The following FOXP1 variants were observed in gnomAD, a reference collection of about 807,000 sequenced individuals.
FOXP1 encodes the protein forkhead box protein P1.
Under a neutral mutation model 98.2 loss-of-function variants are expected in FOXP1, and 15 were observed. The observed-to-expected ratio is 0.15, with a 90% CI of 0.10 to 0.24. FOXP1 has a LOEUF of 0.24. Among genes scored for constraint, FOXP1 ranks in the 10% least tolerant of loss-of-function variants. The probability of loss-of-function intolerance (pLI) is 1.00; values close to 1 mark genes in which losing one functional copy is unlikely to be tolerated. For missense variants in FOXP1, 633 were observed against 848.5 expected (o/e 0.75, Z 3.15); for synonymous variants, 371 against 314.5 (o/e 1.18, Z -1.90).
chr3:71,396,382 G>A (rs2081372421), intron 3 of FOXP1, among the ~76,000 whole-genome samples: 1 of 152,144 alleles, frequency 6.6e-6, no homozygotes, highest in Admixed American at 6.5e-5. Flanking sequence ...TCAAGTCTAG[G>A]AAGCAGACAC....
At chr3:71,291,694 A>C (rs1576800993) in intron 5 of FOXP1, among the ~76,000 whole-genome samples, 1 of 147,934 alleles carries the variant, frequency 6.8e-6, no homozygotes, top group East Asian at 2.0e-4. Context: ...ATTTTACTGT[A>C]TTGTATGCTT....
intron 14 of FOXP1, 96 bp downstream of exon 14, chr3:70,987,898 A>G (rs2040005611): frequency 3.6e-6 from 4 of 1,113,524 alleles, no homozygotes; most frequent in Non-Finnish European, 5.5e-6. Context: ...GCTCCACCAA[A>G]GTAGGCTGGT....
intron 5 of FOXP1, among the ~76,000 whole-genome samples, chr3:71,223,089 TA>T (rs1172655135): frequency 6.6e-6 from 1 of 152,040 alleles, no homozygotes; most frequent in African/African-American, 2.4e-5. Flanking sequence ...CAAACACCAT[TA>T]AAAACAAAAA....
intron 3 of FOXP1, among the ~76,000 whole-genome samples, chr3:71,419,686 G>A (rs2083480200): frequency 6.6e-6 from 1 of 152,156 alleles, no homozygotes; most frequent in Non-Finnish European, 1.5e-5. Context: ...TTCCCAAAGT[G>A]TGCTGCAAGT....
chr3:71,159,064 C>G (rs1281251200), intron 6 of FOXP1, among the ~76,000 whole-genome samples: 1 of 129,330 alleles, frequency 7.7e-6, no homozygotes, highest in South Asian at 2.5e-4. Flanking sequence ...ATGATTGCAA[C>G]ACTGCACTTC....
intron 2 of FOXP1, among the ~76,000 whole-genome samples, chr3:71,501,116 C>T (rs142340528): frequency 3.6e-4 from 55 of 152,020 alleles, no homozygotes; most frequent in African/African-American, 1.2e-3. Flanking sequence ...TGCTTGAATC[C>T]GGGAGGCAGA....
intron 5 of FOXP1, among the ~76,000 whole-genome samples, chr3:71,297,610 T>C (rs1280847635): frequency 8.0e-6 from 1 of 124,556 alleles, no homozygotes; most frequent in Non-Finnish European, 1.6e-5. Context: ...TTTTCAGCTT[T>C]GTTTAATTTT....
intron 6 of FOXP1, among the ~76,000 whole-genome samples, chr3:71,124,571 T>C (rs1365456411): frequency 6.6e-6 from 1 of 151,370 alleles, no homozygotes; most frequent in African/African-American, 2.4e-5. Flanking sequence ...TAATACAGCA[T>C]GATGTATGCA....
At chr3:71,365,726 T>C (rs2078878550) in intron 3 of FOXP1, among the ~76,000 whole-genome samples, 1 of 152,228 alleles carries the variant, frequency 6.6e-6, no homozygotes, top group African/African-American at 2.4e-5. Context: ...GGCTCACGCC[T>C]ATAATCCCAG....
chr3:71,097,506 C>T (rs1356359725), intron 7 of FOXP1, among the ~76,000 whole-genome samples: 2 of 152,126 alleles, frequency 1.3e-5, no homozygotes, highest in Non-Finnish European at 2.9e-5. Flanking sequence ...AACCAAATTC[C>T]TTTTGCAGAT....
rs1469511988 is a variant in FOXP1, at chr3:71,052,389, A to T, written c.510+148T>A. 3 of 691,722 alleles carry T rather than the reference A, an allele frequency of 4.3e-6. No homozygotes were observed. In the African/African-American group the frequency reaches 5.3e-5, roughly 12 times the overall value. The allele number at this position is 691,722 out of a possible 1,614,324, so 42.8% of individuals were successfully genotyped here. A position where few individuals can be genotyped will look rare whatever the true frequency, so the allele number is the denominator to read the frequency against. On this transcript the variant is annotated intron_variant, in intron 9 of 20. Coordinates refer to ENST00000649528, the MANE Select transcript of FOXP1 (RefSeq NM_001349338.3). ...TGGAACCCAGAAAAATCTGAGTGAAAACAGGACAATAATTCTCAGTCTGAA... is the reference window on the plus strand; with the variant it reads ...TGGAACCCAGAAAAATCTGAGTGAATACAGGACAATAATTCTCAGTCTGAA...
At chr3:71,338,573 G>T (rs6771515) in intron 4 of FOXP1, among the ~76,000 whole-genome samples, 69,188 of 151,812 alleles carry the variant, frequency 0.46, 17,154 homozygotes, top group East Asian at 0.73. Flanking sequence ...GACTACAGGG[G>T]CCCGCCACCA....
chr3:71,445,812 C>G (rs938622379), intron 3 of FOXP1, among the ~76,000 whole-genome samples: 4 of 151,830 alleles, frequency 2.6e-5, no homozygotes, highest in African/African-American at 9.7e-5. Context: ...CTCGGCCTCC[C>G]AAGTAGCTGC....
Position 71,068,411 on chromosome 3 carries a change from C to T in FOXP1, c.283-14638G>A, listed in dbSNP as rs186044101. ...GTATTAAAGGAAGAGTCAGGAGGAG[C>T]GTCTCCTCAGGACATTATTCCATAC... On this transcript the variant is annotated intron_variant, in intron 7 of 20. Transcript: ENST00000649528. Among the ~76,000 whole-genome samples, 203 of 152,298 alleles carry T rather than the reference C, an allele frequency of 1.3e-3. 2 individuals carry two copies. Among genetic ancestry groups the T allele is most frequent in the Non-Finnish European group, 1.2e-4 (8 of 68,034 alleles).
chr3:71,139,159 C>A (rs1052567323), intron 6 of FOXP1, among the ~76,000 whole-genome samples: 4 of 152,086 alleles, frequency 2.6e-5, no homozygotes, highest in Admixed American at 1.3e-4. Context: ...GAAATTGGGG[C>A]ATACATAGAG....
chr3:71,335,856 T>C lies in FOXP1; in HGVS notation c.-73+23294A>G, dbSNP rs577752294. Among the ~76,000 whole-genome samples, 653 of 151,728 alleles carry C rather than the reference T, an allele frequency of 4.3e-3. 1 individual carries two copies. The highest frequency in any genetic ancestry group is 7.2e-3 in the Non-Finnish European group (487 of 67,920). ...CCCGTCTCTACAAATAATACAAAAA[T>C]TAGCTGGACTTGTTGGCGTGCACCT... On this transcript the variant is annotated intron_variant, in intron 4 of 20. Transcript: ENST00000649528.
Position 70,976,973 on chromosome 3 carries a change from C to T in FOXP1, c.1498G>A (p.Ala500Thr). The change falls in exon 17 of 21, where the codon GCT (alanine) becomes ACT (threonine). Residue 500 changes from alanine to threonine, a missense_variant. By Grantham distance (58) the Ala-to-Thr change is moderately conservative (BLOSUM62 0). Around this residue, in one of 6 missense-constraint regions of FOXP1, gnomAD observed 141 missense variants for 199.5 expected, o/e 0.71. Transcript: ENST00000649528. Reference protein sequence around the residue: ...EIYNWFTRMFAYFRRNAATWK... With the variant: ...EIYNWFTRMFTYFRRNAATWK... ...GTGGCCGCGTTGCGTCGGAAGTAAG[C>T]AAACATTCGTGTGAACCAGTTATAG... 6.2e-7 allele frequency: 1 copy of T among 1,614,150 alleles called. No homozygotes were observed. The highest frequency in any genetic ancestry group is 8.5e-7 in the Non-Finnish European group (1 of 1,179,988).
At chr3:71,545,815 T>C (rs891630293) in intron 2 of FOXP1, among the ~76,000 whole-genome samples, 1 of 152,240 alleles carries the variant, frequency 6.6e-6, no homozygotes, top group African/African-American at 2.4e-5. Context: ...TTTAAGCTAT[T>C]GCCATGTCCC....
At position 70,955,369 on chromosome 3, in the gene FOXP1, C is replaced by T. The variant is rs1207239127; in HGVS notation, c.*3878G>A. 4.3e-6 allele frequency: 1 copy of T among 232,794 alleles called. No individual in the cohort carries two copies. Among genetic ancestry groups the T allele is most frequent in the Non-Finnish European group, 8.5e-6 (1 of 117,838 alleles). The allele number at this position is 232,794 out of a possible 1,614,324, so 14.4% of individuals were successfully genotyped here. A position where few individuals can be genotyped will look rare whatever the true frequency, so the allele number is the denominator to read the frequency against. Reference sequence around the variant, plus strand: ...CTGGTGGTAACTCTTCACGTATGTACATAAGCCTTGATATTCCATTTTGTG... The same window carrying T: ...CTGGTGGTAACTCTTCACGTATGTATATAAGCCTTGATATTCCATTTTGTG... On this transcript the variant is annotated 3_prime_UTR_variant, in exon 21 of 21. Transcript: ENST00000649528.
Sources: allele counts gnomAD v4.1 joint callset (sites outside exome capture counted in the v4.1 genomes callset), GRCh38; gene constraint gnomAD v4.1.1; regional missense constraint gnomAD v4.1.1; transcripts MANE v1.5; gene names NCBI Gene and HGNC (gene_info 2026-07-23, HGNC 2026-07-21).